The following TMEM108 variants were observed in gnomAD, a reference collection of about 807,000 sequenced individuals.
The protein encoded by TMEM108 is cancer/testis antigen 124.
A neutral mutation model predicts 35.1 loss-of-function variants in TMEM108; 12 were observed. The observed-to-expected ratio is 0.34, with a 90% CI of 0.22 to 0.55. The LOEUF is 0.55. TMEM108 is among the 20% of genes least tolerant of loss of function. The pLI is 0.89. For synonymous variants in TMEM108, 287 were observed against 308.6 expected, an observed-to-expected ratio of 0.93 and a Z score of 0.73; for missense variants, 680 against 753.3, an observed-to-expected ratio of 0.90 and a Z score of 1.14.
At position 133,072,764 on chromosome 3, in the gene TMEM108, A is replaced by G. The variant is rs572355503; in HGVS notation, c.-47+26744A>G. ...AACTATCACCACTATATTTCAGAAC[A>G]TTTTTGTCACCCCAAAAGAAACCTC... On this transcript the variant is annotated intron_variant, in intron 2 of 5. Coordinates refer to ENST00000321871, the MANE Select transcript of TMEM108 (RefSeq NM_023943.4). Among the ~76,000 whole-genome samples, 4 of 152,230 alleles carry G rather than the reference A, an allele frequency of 2.6e-5. No individual in the cohort carries two copies. In the East Asian group the frequency reaches 5.8e-4, roughly 22 times the overall value.
intron 2 of TMEM108, among the ~76,000 whole-genome samples, chr3:133,195,473 T>C (rs1197612341): frequency 6.6e-6 from 1 of 152,200 alleles, no homozygotes; most frequent in Non-Finnish European, 1.5e-5. Flanking sequence ...CCTCTAGTCA[T>C]CCCGTCTGGA....
At chr3:133,254,225 C>T (rs1946512185) in intron 3 of TMEM108, among the ~76,000 whole-genome samples, 1 of 152,012 alleles carries the variant, frequency 6.6e-6, no homozygotes, top group Non-Finnish European at 1.5e-5. Context: ...ATGAATGTAC[C>T]TAGGAAAATT....
chr3:133,310,019 C>T (rs1003734575), intron 3 of TMEM108, among the ~76,000 whole-genome samples: 8 of 152,098 alleles, frequency 5.3e-5, no homozygotes, highest in Middle Eastern at 3.2e-3. Context: ...TTTCTTAATC[C>T]TGTGTTCTAA....
chr3:133,306,746 T>G (rs1452812108), intron 3 of TMEM108, among the ~76,000 whole-genome samples: 1 of 152,162 alleles, frequency 6.6e-6, no homozygotes, highest in African/African-American at 2.4e-5. Context: ...ATGTGCCACA[T>G]TTTCTTAATC....
At chr3:133,130,809 C>G (rs746429527) in intron 2 of TMEM108, among the ~76,000 whole-genome samples, 35 of 152,288 alleles carry the variant, frequency 2.3e-4, no homozygotes, top group Non-Finnish European at 4.4e-4. Context: ...AGATGCATCT[C>G]TGGGCCTTTC....
rs763614599 is a variant in TMEM108 at position 133,380,325 on chromosome 3, C to T, written c.614C>T (p.Thr205Ile). 31 of 1,614,060 alleles carry T rather than the reference C, an allele frequency of 1.9e-5. 1 individual carries two copies. In the South Asian group the frequency reaches 3.2e-4, roughly 17 times the overall value. Residue 205 changes from threonine to isoleucine, a missense_variant, in exon 4 of 6, where the codon ACA (threonine) becomes ATA (isoleucine). Thr to Ile is a moderately conservative substitution (Grantham distance 89). Transcript: ENST00000321871. This position sits in a 1 kb window ranked among gnomAD's most constrained non-coding sequence, Gnocchi z 5.3. ...EGQRGRNPSS[T>I]PLGQKRPLGK... The stretch of plus-strand genomic sequence containing the variant: ...CAGCGAGGACGAAATCCAAGCTCCA[C>T]ACCTCTGGGGCAGAAGCGGCCCCTG...
intron 2 of TMEM108, among the ~76,000 whole-genome samples, chr3:133,140,284 G>A: frequency 6.6e-6 from 1 of 152,060 alleles, no homozygotes; most frequent in East Asian, 1.9e-4. Context: ...CATTATAGTT[G>A]TAAACATCTT....
intron 2 of TMEM108, among the ~76,000 whole-genome samples, chr3:133,139,506 G>T (rs955815819): frequency 9.9e-5 from 15 of 152,190 alleles, no homozygotes; most frequent in African/African-American, 3.4e-4. Flanking sequence ...CCAGAAAATA[G>T]TTATAAGTGA....
intron 3 of TMEM108, among the ~76,000 whole-genome samples, chr3:133,266,493 T>C (rs1282569253): frequency 6.6e-6 from 1 of 152,192 alleles, no homozygotes; most frequent in East Asian, 1.9e-4. Flanking sequence ...ACATTCAGTG[T>C]TGTTTCGTCA....
chr3:133,041,678 T>C (rs1161729216), intron 1 of TMEM108: 1 of 151,980 alleles, frequency 6.6e-6, no homozygotes, highest in Non-Finnish European at 1.5e-5. Context: ...ACAAGCATCA[T>C]AGCATAGGCT....
chr3:133,296,024 G>T (rs1405988779), intron 3 of TMEM108, among the ~76,000 whole-genome samples: 1 of 152,136 alleles, frequency 6.6e-6, no homozygotes, highest in Non-Finnish European at 1.5e-5. Flanking sequence ...TGTCCAAATT[G>T]ACTATTTTCC....
chr3:133,322,055 T>G (rs2071273799), intron 3 of TMEM108, among the ~76,000 whole-genome samples: 1 of 152,112 alleles, frequency 6.6e-6, no homozygotes, highest in African/African-American at 2.4e-5. Flanking sequence ...TTCATAGCAT[T>G]AAATGCCTAC....
chr3:133,071,104 T>A (rs540126207), intron 2 of TMEM108, among the ~76,000 whole-genome samples: 7 of 152,290 alleles, frequency 4.6e-5, no homozygotes, highest in African/African-American at 1.7e-4. Context: ...GGAAATAATT[T>A]CAGGATTTTA....
chr3:133,111,585 A>T (rs914430773), intron 2 of TMEM108, among the ~76,000 whole-genome samples: 2 of 152,128 alleles, frequency 1.3e-5, no homozygotes, highest in African/African-American at 4.8e-5. Flanking sequence ...ATATATATGC[A>T]CAATACATTG....
intron 3 of TMEM108, among the ~76,000 whole-genome samples, chr3:133,362,276 G>A (rs2072374411): frequency 6.6e-6 from 1 of 152,306 alleles, no homozygotes; most frequent in South Asian, 2.1e-4. Context: ...AAAATAAAAA[G>A]GAAACTGGTT....
chr3:133,309,769 C>T (rs1290633892), intron 3 of TMEM108, among the ~76,000 whole-genome samples: 3 of 134,192 alleles, frequency 2.2e-5, no homozygotes, highest in Non-Finnish European at 3.1e-5. Context: ...GGCGGGATCT[C>T]GGCTCACTGC....
At chr3:133,084,626 C>A (rs1228934785) in intron 2 of TMEM108, among the ~76,000 whole-genome samples, 1 of 152,150 alleles carries the variant, frequency 6.6e-6, no homozygotes. Flanking sequence ...GCAACAATAG[C>A]TAATATTTGA....
chr3:133,159,509 G>T (rs1217713355), intron 2 of TMEM108, among the ~76,000 whole-genome samples: 1 of 152,052 alleles, frequency 6.6e-6, no homozygotes, highest in East Asian at 1.9e-4. Context: ...TGTCTTTCTG[G>T]TATAATTTTT....
intron 2 of TMEM108, among the ~76,000 whole-genome samples, chr3:133,204,056 T>C (rs1341973538): frequency 6.6e-6 from 1 of 152,176 alleles, no homozygotes; most frequent in Non-Finnish European, 1.5e-5. Context: ...TATCCATTCC[T>C]TCTAGATTTT....
Sources: gnomAD v4.1 joint callset for allele counts (sites outside exome capture counted in the v4.1 genomes callset) on GRCh38, gnomAD v4.1.1 for gene constraint, Gnocchi (gnomAD v3.1) non-coding constraint, MANE v1.5 for transcripts, NCBI Gene and HGNC (gene_info 2026-07-23, HGNC 2026-07-21) for gene names.